ANAPC1: variants seen among roughly 807,000 people sequenced by gnomAD.
ANAPC1 encodes the protein anaphase promoting complex subunit 1.
Under a neutral mutation model 208.0 loss-of-function variants are expected in ANAPC1, and 36 were observed. The observed-to-expected ratio is 0.17, with a 90% CI of 0.13 to 0.23. The LOEUF is 0.23. ANAPC1 is among the 10% of genes least tolerant of loss of function. The pLI is 1.00. For missense variants in ANAPC1, 942 were observed against 2,011.6 expected (o/e 0.47, Z 10.17); for synonymous variants, 378 against 695.2 (o/e 0.54, Z 7.18).
At chr2:111,864,305 GAC>G (rs1682264823) in intron 8 of ANAPC1, among the ~76,000 whole-genome samples, 1 of 148,424 alleles carries the variant, frequency 6.7e-6, no homozygotes. Context: ...CAGCCTGGGT[GAC>G]AGAGTGAGGC....
chr2:111,814,915 C>T (rs1453819378), intron 28 of ANAPC1, among the ~76,000 whole-genome samples: 1 of 151,928 alleles, frequency 6.6e-6, no homozygotes, highest in African/African-American at 2.4e-5. Context: ...TTATCCTTCA[C>T]CTACCTTACA....
rs370316294 is a variant in ANAPC1, at chr2:111,871,813, G to A, written c.611+817C>T. On this transcript the variant is annotated intron_variant, in intron 6 of 47. Coordinates refer to ENST00000341068, the MANE Select transcript of ANAPC1 (RefSeq NM_022662.4). ...AGCTTTGTCATTGTTGCTGTATAGC[G>A]GTGCTATTGATCTGTGTACATTGAT... 7.9e-5 allele frequency among the ~76,000 whole-genome samples: 12 copies of A among 152,146 alleles called. 1 individual carries two copies. The highest frequency in any genetic ancestry group is 5.9e-4 in the Admixed American group (9 of 15,266).
At chr2:111,826,450 A>G (rs926789962) in intron 21 of ANAPC1, among the ~76,000 whole-genome samples, 2 of 152,180 alleles carry the variant, frequency 1.3e-5, no homozygotes, top group African/African-American at 4.8e-5. Flanking sequence ...AATCAATCAT[A>G]TGATATGTAG....
intron 21 of ANAPC1, among the ~76,000 whole-genome samples, chr2:111,830,024 C>A (rs1454631606): frequency 6.6e-6 from 1 of 152,074 alleles, no homozygotes; most frequent in Non-Finnish European, 1.5e-5. Context: ...GAGCTGAGAT[C>A]ACTCCACTGC....
rs140963018 is a variant in ANAPC1, at chr2:111,882,335, G to A, written c.-24-1486C>T. Among the ~76,000 whole-genome samples the A allele has an allele frequency of 1.5e-3, 231 of 152,276 alleles. 1 individual carries two copies. Among genetic ancestry groups the A allele is most frequent in the African/African-American group, 5.1e-3 (210 of 41,560 alleles). ...CGTTGTTTCCGTGTATTGACTTGCT[G>A]CTCATAGGGCAAGAATCCTATATGG... On this transcript the variant is annotated intron_variant, in intron 1 of 47. Coordinates refer to ENST00000341068, the MANE Select transcript of ANAPC1 (RefSeq NM_022662.4).
intron 6 of ANAPC1, among the ~76,000 whole-genome samples, chr2:111,869,253 A>AT (rs10664612): frequency 0.073 from 10,993 of 150,484 alleles, 577 homozygotes; most frequent in South Asian, 0.21. Flanking sequence ...CTTGTTATTT[A>AT]TTTTTTTTTT....
At chr2:111,800,500 T>A (rs1678388976) in intron 34 of ANAPC1, among the ~76,000 whole-genome samples, 1 of 127,082 alleles carries the variant, frequency 7.9e-6, no homozygotes, top group Non-Finnish European at 1.7e-5. Context: ...CAACACTTTT[T>A]TAGAGTATTC....
intron 11 of ANAPC1, 155 bp from the exon 12 acceptor site, chr2:111,857,041 G>A: frequency 1.7e-6 from 1 of 576,758 alleles, no homozygotes; most frequent in Non-Finnish European, 3.1e-6. Context: ...TCAAGATGGA[G>A]AATTAGTGGT....
At chr2:111,774,133 T>C (rs1478969023) in intron 46 of ANAPC1, among the ~76,000 whole-genome samples, 1 of 152,126 alleles carries the variant, frequency 6.6e-6, no homozygotes, top group African/African-American at 2.4e-5. Flanking sequence ...GCATCAGCAA[T>C]GGGTCAGCTA....
intron 38 of ANAPC1, among the ~76,000 whole-genome samples, chr2:111,790,815 T>C (rs1186680733): frequency 6.6e-6 from 1 of 151,942 alleles, no homozygotes; most frequent in Non-Finnish European, 1.5e-5. Context: ...GCTTAGGACA[T>C]AGTTTAAAGA....
Position 111,806,762 on chromosome 2 carries a change from T to C in ANAPC1, c.3833-869A>G, listed in dbSNP as rs956043605. ...GAAGTCTGACTGGATACAAAATTCATACTTTTAAAAGGCACCCTATAACTC... is the reference window on the plus strand; with the variant it reads ...GAAGTCTGACTGGATACAAAATTCACACTTTTAAAAGGCACCCTATAACTC... On this transcript the variant is annotated intron_variant, in intron 29 of 47. Coordinates refer to ENST00000341068, the MANE Select transcript of ANAPC1 (RefSeq NM_022662.4). Among the ~76,000 whole-genome samples, 12 of 152,240 alleles carry C rather than the reference T, an allele frequency of 7.9e-5. 1 individual carries two copies. The highest frequency in any genetic ancestry group is 2.9e-4 in the African/African-American group (12 of 41,530).
chr2:111,792,585 A>C, intron 37 of ANAPC1, 30 bp from the exon 38 acceptor site: 1 of 1,596,492 alleles, frequency 6.3e-7, no homozygotes, highest in South Asian at 1.1e-5. Context: ...CATCACTGTA[A>C]CTGTTGTGTT....
At chr2:111,810,387 A>G (rs1164684220) in intron 28 of ANAPC1, among the ~76,000 whole-genome samples, 1 of 152,120 alleles carries the variant, frequency 6.6e-6, no homozygotes, top group Non-Finnish European at 1.5e-5. Context: ...TCTAAAATTA[A>G]CAGTGGTGAT....
chr2:111,823,103 G>T (rs1354340794), intron 24 of ANAPC1, among the ~76,000 whole-genome samples: 1 of 136,290 alleles, frequency 7.3e-6, no homozygotes, highest in African/African-American at 2.7e-5. Flanking sequence ...TCCTCCTCCC[G>T]GGTTCACGCC....
At position 111,831,828 on chromosome 2, in the gene ANAPC1, A is replaced by C. The variant is rs1466632769; in HGVS notation, c.2477-394T>G. On this transcript the variant is annotated intron_variant, in intron 20 of 47. Coordinates refer to ENST00000341068, the MANE Select transcript of ANAPC1 (RefSeq NM_022662.4). ...AGAGACAGAGCGAGACTCTGTCTCAAAAAAAAAAAAAAAAAAAAGAATAAC... is the reference window on the plus strand; with the variant it reads ...AGAGACAGAGCGAGACTCTGTCTCACAAAAAAAAAAAAAAAAAAGAATAAC... Among the ~76,000 whole-genome samples, 5 of 129,652 alleles carry C rather than the reference A, an allele frequency of 3.9e-5. 1 individual carries two copies. Among genetic ancestry groups the C allele is most frequent in the South Asian group, 5.3e-4 (2 of 3,802 alleles). The allele number at this position is 129,652 out of a possible 152,430, so 85.1% of individuals were successfully genotyped here.
At chr2:111,858,767 GAA>G (rs59260533) in intron 10 of ANAPC1, among the ~76,000 whole-genome samples, 35,672 of 123,398 alleles carry the variant, frequency 0.29, 4,125 homozygotes, top group Non-Finnish European at 0.33. Context: ...GTCTCAAAAA[GAA>G]AAAAAAAAAA....
At chr2:111,849,640 C>T (rs1681283518) in intron 14 of ANAPC1, among the ~76,000 whole-genome samples, 2 of 152,118 alleles carry the variant, frequency 1.3e-5, no homozygotes, top group South Asian at 4.1e-4. Flanking sequence ...CATCACCTTT[C>T]CCCAGCCCAG....
At chr2:111,842,100 G>A (rs571660609) in intron 17 of ANAPC1, among the ~76,000 whole-genome samples, 2 of 152,104 alleles carry the variant, frequency 1.3e-5, no homozygotes, top group African/African-American at 4.8e-5. Flanking sequence ...TTACAATAAC[G>A]AAAACAACAG....
intron 16 of ANAPC1, among the ~76,000 whole-genome samples, chr2:111,846,742 G>C (rs925565822): frequency 1.3e-5 from 2 of 151,296 alleles, no homozygotes; most frequent in East Asian, 3.9e-4. Flanking sequence ...GCTGATTTTT[G>C]TATTTTTAGT....
Sources: gnomAD v4.1 joint callset for allele counts (sites outside exome capture counted in the v4.1 genomes callset) on GRCh38, gnomAD v4.1.1 for gene constraint, MANE v1.5 for transcripts, NCBI Gene and HGNC (gene_info 2026-07-23, HGNC 2026-07-21) for gene names.